The following KCTD8 variants were observed in gnomAD, a reference collection of about 807,000 sequenced individuals.
KCTD8 encodes the protein BTB/POZ domain-containing protein KCTD8.
KCTD8 carries 27 observed loss-of-function variants against 31.5 expected under a neutral mutation model. The observed-to-expected ratio is 0.86, with a 90% CI of 0.63 to 1.18. The LOEUF (loss-of-function observed/expected upper bound fraction) is 1.18. Among genes scored for constraint, KCTD8 ranks in the 50% most tolerant of loss-of-function variants. KCTD8 has a pLI of 0.00. For missense variants in KCTD8, 658 were observed against 647.7 expected, an observed-to-expected ratio of 1.02 and a Z score of -0.17; for synonymous variants, 290 against 280.0, an observed-to-expected ratio of 1.04 and a Z score of -0.36.
chr4:44,372,009 G>C (rs997292784), intron 1 of KCTD8, among the ~76,000 whole-genome samples: 2 of 151,996 alleles, frequency 1.3e-5, no homozygotes, highest in African/African-American at 4.8e-5. Flanking sequence ...TCTATGAAAT[G>C]GTAAAATTAA....
At chr4:44,207,579 C>T (rs1292487426) in intron 1 of KCTD8, among the ~76,000 whole-genome samples, 3 of 152,180 alleles carry the variant, frequency 2.0e-5, no homozygotes, top group African/African-American at 4.8e-5. Context: ...ACATTCATCT[C>T]CTCTTCTCCT....
chr4:44,227,878 C>T (rs752364774), intron 1 of KCTD8, among the ~76,000 whole-genome samples: 4 of 152,140 alleles, frequency 2.6e-5, no homozygotes, highest in South Asian at 2.1e-4. Context: ...TCCAAATCAC[C>T]GTCCTATTTA....
At chr4:44,306,566 T>C (rs1305733397) in intron 1 of KCTD8, among the ~76,000 whole-genome samples, 1 of 152,030 alleles carries the variant, frequency 6.6e-6, no homozygotes, top group Non-Finnish European at 1.5e-5. Context: ...AAAGCAAACA[T>C]ACAATTTTCA....
intron 1 of KCTD8, among the ~76,000 whole-genome samples, chr4:44,329,162 C>CTT (rs530685832): frequency 6.3e-5 from 9 of 142,982 alleles, no homozygotes; most frequent in African/African-American, 1.8e-4. Flanking sequence ...AAATCCTCCA[C>CTT]TTTTTTTTTT....
chr4:44,177,018 A>G (rs1420228323), intron 1 of KCTD8, among the ~76,000 whole-genome samples: 1 of 152,320 alleles, frequency 6.6e-6, no homozygotes, highest in East Asian at 1.9e-4. Context: ...TTTCAGAAGT[A>G]TTTGCAACCA....
chr4:44,361,647 C>A (rs1410700076), intron 1 of KCTD8, among the ~76,000 whole-genome samples: 1 of 151,990 alleles, frequency 6.6e-6, no homozygotes, highest in African/African-American at 2.4e-5. Flanking sequence ...TCCCCTTGAG[C>A]TACTGTAGGA....
chr4:44,445,093 G>A (rs1721907906), intron 1 of KCTD8, among the ~76,000 whole-genome samples: 1 of 152,058 alleles, frequency 6.6e-6, no homozygotes, highest in East Asian at 1.9e-4. Flanking sequence ...TGCCAAATAA[G>A]ATAAACACAT....
intron 1 of KCTD8, among the ~76,000 whole-genome samples, chr4:44,302,074 T>TA (rs1284437304): frequency 6.6e-6 from 1 of 151,326 alleles, no homozygotes; most frequent in Non-Finnish European, 1.5e-5. Flanking sequence ...TCCATTGATC[T>TA]ATATCTCTGT....
intron 1 of KCTD8, among the ~76,000 whole-genome samples, chr4:44,350,183 A>G (rs1238348398): frequency 6.6e-6 from 1 of 152,150 alleles, no homozygotes; most frequent in East Asian, 1.9e-4. Context: ...AATATGTCTC[A>G]TACTTTCCTG....
chr4:44,196,720 G>T (rs934277786), intron 1 of KCTD8, among the ~76,000 whole-genome samples: 11 of 152,116 alleles, frequency 7.2e-5, no homozygotes, highest in South Asian at 2.1e-4. Context: ...AGCTCCCAGG[G>T]AATCCACACT....
At chr4:44,283,334 G>C (rs1298854378) in intron 1 of KCTD8, among the ~76,000 whole-genome samples, 1 of 152,062 alleles carries the variant, frequency 6.6e-6, no homozygotes, top group Non-Finnish European at 1.5e-5. Context: ...ACAAGCATGA[G>C]ACACCATGCC....
intron 1 of KCTD8, among the ~76,000 whole-genome samples, chr4:44,410,904 G>A (rs1720937153): frequency 6.6e-6 from 1 of 152,054 alleles, no homozygotes; most frequent in African/African-American, 2.4e-5. Context: ...ATCTCCTGAG[G>A]TGGCCTTTCC....
At chr4:44,378,370 T>C (rs1719972734) in intron 1 of KCTD8, among the ~76,000 whole-genome samples, 1 of 151,008 alleles carries the variant, frequency 6.6e-6, no homozygotes, top group African/African-American at 2.4e-5. Context: ...AATGACAAAT[T>C]AATGGGTGCA....
In KCTD8 at chr4:44,323,353, G is replaced by T. The variant is rs555453607; in HGVS notation, c.961+124210C>A. Among the ~76,000 whole-genome samples the T allele has an allele frequency of 2.6e-5, 4 of 151,904 alleles. No individual in the cohort carries two copies. The East Asian group carries it at 7.8e-4, about 29-fold the overall frequency. Reference sequence around the variant, plus strand: ...TTCTAAAAATACAAAAATTAGCCATGTGTAGTGGCTGGCGCCTGTAATCCC... The same window carrying T: ...TTCTAAAAATACAAAAATTAGCCATTTGTAGTGGCTGGCGCCTGTAATCCC... On this transcript the variant is annotated intron_variant, in intron 1 of 1. Coordinates refer to ENST00000360029, the MANE Select transcript of KCTD8 (RefSeq NM_198353.3).
At chr4:44,263,826 G>A (rs1044792390) in intron 1 of KCTD8, among the ~76,000 whole-genome samples, 7 of 151,950 alleles carry the variant, frequency 4.6e-5, no homozygotes, top group Non-Finnish European at 8.8e-5. Flanking sequence ...ATATCCAAAG[G>A]CAGCTGTACT....
chr4:44,366,940 T>C (rs957517423), intron 1 of KCTD8, among the ~76,000 whole-genome samples: 9 of 152,036 alleles, frequency 5.9e-5, no homozygotes, highest in Admixed American at 3.9e-4. Context: ...CTTTAATGAG[T>C]TCCCATTGCT....
At chr4:44,402,334 A>C (rs558575151) in intron 1 of KCTD8, among the ~76,000 whole-genome samples, 1 of 152,330 alleles carries the variant, frequency 6.6e-6, no homozygotes, top group Admixed American at 6.5e-5. Context: ...CTATTAATGC[A>C]AATGTTCCAA....
At chr4:44,190,504 T>A (rs896928494) in intron 1 of KCTD8, among the ~76,000 whole-genome samples, 1 of 152,186 alleles carries the variant, frequency 6.6e-6, no homozygotes, top group African/African-American at 2.4e-5. Flanking sequence ...CAGACCCTAA[T>A]CGCCAGGCTA....
intron 1 of KCTD8, among the ~76,000 whole-genome samples, chr4:44,191,581 T>C (rs2109334998): frequency 6.6e-6 from 1 of 152,268 alleles, no homozygotes; most frequent in South Asian, 2.1e-4. Context: ...GGAGGAGGTC[T>C]ATAAACAGCC....
Sources: allele counts gnomAD v4.1 joint callset (sites outside exome capture counted in the v4.1 genomes callset), GRCh38; gene constraint gnomAD v4.1.1; transcripts MANE v1.5; gene names NCBI Gene and HGNC (gene_info 2026-07-23, HGNC 2026-07-21).